The following TRAPPC9 variants were observed in gnomAD, a reference collection of about 807,000 sequenced individuals.
TRAPPC9 encodes the protein IKK2 binding protein.
Under a neutral mutation model 124.0 loss-of-function variants are expected in TRAPPC9, and 83 were observed. That is an observed-to-expected ratio of 0.67 (90% CI 0.56 to 0.80). TRAPPC9 has a LOEUF of 0.80. TRAPPC9 is among the 30% of genes least tolerant of loss of function. The pLI, the probability that TRAPPC9 is intolerant of heterozygous loss-of-function variation, is 0.00. For synonymous variants in TRAPPC9, 638 were observed against 617.5 expected (o/e 1.03, Z -0.49); for missense variants, 1,302 against 1,508.3 (o/e 0.86, Z 2.27).
chr8:139,966,678 G>A (rs1421566118), intron 19 of TRAPPC9, among the ~76,000 whole-genome samples: 2 of 152,144 alleles, frequency 1.3e-5, no homozygotes, highest in Non-Finnish European at 2.9e-5. Context: ...TCAAGAGCAG[G>A]GAGAGAGCTG....
At chr8:140,024,167 AAG>A in intron 17 of TRAPPC9, 88 bp from the exon 18 acceptor site, 2 of 1,484,824 alleles carry the variant, frequency 1.3e-6, no homozygotes, top group South Asian at 2.3e-5. Context: ...TTCGCTTAGG[AAG>A]AGTCTGAAGA....
At chr8:140,017,012 G>A (rs934338726) in intron 18 of TRAPPC9, among the ~76,000 whole-genome samples, 5 of 152,222 alleles carry the variant, frequency 3.3e-5, no homozygotes, top group South Asian at 2.1e-4. Context: ...TCTAATTGGG[G>A]TTTTAATTCG....
intron 17 of TRAPPC9, among the ~76,000 whole-genome samples, chr8:140,074,096 T>TC (rs964799789): frequency 6.6e-6 from 1 of 152,216 alleles, no homozygotes; most frequent in Admixed American, 6.5e-5. Context: ...CAGGAAGTGC[T>TC]CCCGATCACG....
chr8:140,451,618 G>C (rs76297772), intron 1 of TRAPPC9, among the ~76,000 whole-genome samples: 119 of 152,280 alleles, frequency 7.8e-4, no homozygotes, highest in African/African-American at 2.8e-3. Context: ...CAGAAATGGG[G>C]CTGTTTCTTG....
At chr8:140,423,609 C>CACACACAT (rs761963429) in intron 5 of TRAPPC9, among the ~76,000 whole-genome samples, 1 of 147,042 alleles carries the variant, frequency 6.8e-6, no homozygotes, top group East Asian at 2.1e-4. Flanking sequence ...CACACACACA[C>CACACACAT]ATCACATATA....
chr8:140,323,768 G>C (rs1462145418), intron 9 of TRAPPC9, among the ~76,000 whole-genome samples: 2 of 152,062 alleles, frequency 1.3e-5, no homozygotes, highest in African/African-American at 4.8e-5. Context: ...GAAAAAAACA[G>C]ATATGACAAA....
At chr8:139,959,017 G>GCAGTCCGAGTCACACGGGGGAGC (rs2131550864) in intron 19 of TRAPPC9, among the ~76,000 whole-genome samples, 1 of 23,534 alleles carries the variant, frequency 4.2e-5, no homozygotes, top group East Asian at 1.3e-3. Flanking sequence ...CACGGGGGAG[G>GCAGTCCGAGTCACACGGGGGAGC]CCTGCATTCC....
chr8:140,448,124 T>C (rs62527782), intron 2 of TRAPPC9, among the ~76,000 whole-genome samples: 12,865 of 129,334 alleles, frequency 0.099, 620 homozygotes, highest in African/African-American at 0.13. Flanking sequence ...CCAGCCTGGG[T>C]GACAGAGCAA....
chr8:140,355,238 G>A (rs776166278), intron 9 of TRAPPC9, among the ~76,000 whole-genome samples: 8 of 152,108 alleles, frequency 5.3e-5, no homozygotes, highest in Non-Finnish European at 7.4e-5. Flanking sequence ...AAAATCAAAC[G>A]CAATTTATAT....
intron 20 of TRAPPC9, among the ~76,000 whole-genome samples, chr8:139,897,810 G>T (rs1328424609): frequency 6.6e-6 from 1 of 152,222 alleles, no homozygotes. Flanking sequence ...TAACCAGCCT[G>T]AAGTCCACAG....
Position 140,337,258 on chromosome 8 carries a change from A to C in TRAPPC9, c.1495+22792T>G, listed in dbSNP as rs940569076. Among the ~76,000 whole-genome samples the C allele has an allele frequency of 3.3e-4, 50 of 152,284 alleles. 1 individual carries two copies. Among genetic ancestry groups the C allele is most frequent in the Middle Eastern group, 3.4e-3 (1 of 294 alleles). On this transcript the variant is annotated intron_variant, in intron 9 of 22. Transcript: ENST00000438773. ...ATGATCAGAGGAGTTCACACACATG[A>C]AGGCACATGTTACACCAGGCCCAGC...
At chr8:139,844,271 T>A (rs1826924013) in intron 21 of TRAPPC9, among the ~76,000 whole-genome samples, 1 of 152,222 alleles carries the variant, frequency 6.6e-6, no homozygotes, top group Non-Finnish European at 1.5e-5. Flanking sequence ...CAGGGCAACC[T>A]GAGACCACAC....
At chr8:140,048,266 A>T (rs959267690) in intron 17 of TRAPPC9, among the ~76,000 whole-genome samples, 6 of 152,224 alleles carry the variant, frequency 3.9e-5, no homozygotes, top group African/African-American at 1.2e-4. Context: ...CAACGTGTCC[A>T]ATCAATTGTC....
intron 16 of TRAPPC9, chr8:140,238,542 T>C (rs540111777): frequency 6.6e-6 from 1 of 152,338 alleles, no homozygotes; most frequent in South Asian, 2.1e-4. Context: ...ACGGGCTAAA[T>C]ATAACGCTGG....
intron 17 of TRAPPC9, among the ~76,000 whole-genome samples, chr8:140,066,807 C>A (rs887590347): frequency 1.3e-5 from 2 of 152,216 alleles, no homozygotes; most frequent in Admixed American, 1.3e-4. Context: ...TGGGCACCCT[C>A]ATCTCAGGGA....
chr8:140,093,576 T>C (rs1039205893), intron 17 of TRAPPC9, among the ~76,000 whole-genome samples: 3 of 150,680 alleles, frequency 2.0e-5, no homozygotes, highest in African/African-American at 7.4e-5. Flanking sequence ...GCTGAGGCAG[T>C]AGAATTGCTT....
chr8:140,351,719 AAG>A (rs1230876651), intron 9 of TRAPPC9, among the ~76,000 whole-genome samples: 3 of 152,236 alleles, frequency 2.0e-5, no homozygotes, highest in Admixed American at 6.5e-5. Flanking sequence ...TTTGGTATCC[AAG>A]AGAGAGCCTG....
At chr8:140,020,303 G>A (rs1318777284) in intron 18 of TRAPPC9, among the ~76,000 whole-genome samples, 1 of 152,070 alleles carries the variant, frequency 6.6e-6, no homozygotes, top group African/African-American at 2.4e-5. Flanking sequence ...ATCTAATAAA[G>A]AAGCAATATC....
At chr8:139,858,449 A>C (rs1197792644) in intron 21 of TRAPPC9, among the ~76,000 whole-genome samples, 2 of 152,258 alleles carry the variant, frequency 1.3e-5, no homozygotes, top group Non-Finnish European at 2.9e-5. Flanking sequence ...CTCCAGCCGC[A>C]TGCAGCTCTT....
Sources: gnomAD v4.1 joint callset for allele counts (sites outside exome capture counted in the v4.1 genomes callset) on GRCh38, gnomAD v4.1.1 for gene constraint, MANE v1.5 for transcripts, NCBI Gene and HGNC (gene_info 2026-07-23, HGNC 2026-07-21) for gene names.